Variants in PTRH1 observed in about 807,000 individuals in gnomAD.
PTRH1 encodes peptidyl-tRNA hydrolase.
Under a neutral mutation model 15.7 loss-of-function variants are expected in PTRH1, and 13 were observed. The observed-to-expected ratio is 0.83, with a 90% CI of 0.54 to 1.31. The LOEUF is 1.31. Among genes scored for constraint, PTRH1 ranks in the 40% most tolerant of loss-of-function variants. The probability of loss-of-function intolerance (pLI) is 0.00; values close to 1 mark genes in which losing one functional copy is unlikely to be tolerated. For synonymous variants in PTRH1, 139 were observed against 136.7 expected (o/e 1.02, Z -0.12); for missense variants, 319 against 296.2 (o/e 1.08, Z -0.56).
chr9:127,697,755 C>A (rs1842573118), intron 1 of PTRH1, among the ~76,000 whole-genome samples: 1 of 152,228 alleles, frequency 6.6e-6, no homozygotes, highest in Non-Finnish European at 1.5e-5. Flanking sequence ...AGGACACTGT[C>A]AACACATGCG....
In PTRH1 at chr9:127,714,619, G is replaced by T; in HGVS notation, c.400C>A (p.Leu134Met). 1 of 1,613,882 alleles carries T rather than the reference G, an allele frequency of 6.2e-7. No homozygotes were observed. The highest frequency in any genetic ancestry group is 1.3e-5 in the African/African-American group (1 of 75,018). ...DKPLGRLALKLGGSARGHNGV... is the reference protein window; with the variant it reads ...DKPLGRLALKMGGSARGHNGV... Reference sequence around the variant, plus strand: ...GGACCTCACCTGGCACTGCCCCCCAGCTTCAGAGCCAGTCTCCCCAGGGGC... The same window carrying T: ...GGACCTCACCTGGCACTGCCCCCCATCTTCAGAGCCAGTCTCCCCAGGGGC... The change falls in exon 3 of 5, where the codon CTG becomes ATG. Residue 134 changes from leucine (L) to methionine (M), a missense_variant. Coordinates refer to ENST00000543175, the MANE Select transcript of PTRH1 (RefSeq NM_001002913.3).
rs1190776634 is a variant in PTRH1, at chr9:127,705,727, A to T, written c.205+9708T>A. Among the ~76,000 whole-genome samples, 1 of 152,236 alleles carries T rather than the reference A, an allele frequency of 6.6e-6. No homozygotes were observed. The highest frequency in any genetic ancestry group is 1.9e-4 in the East Asian group (1 of 5,196). ...TCAGGCGGGGGAGGGGGCAATGTCCAGCAGGAGCAGGGCCATCGCATTGAG... is the reference window on the plus strand; with the variant it reads ...TCAGGCGGGGGAGGGGGCAATGTCCTGCAGGAGCAGGGCCATCGCATTGAG... On this transcript the variant is annotated intron_variant, in intron 1 of 2. Coordinates refer to the PTRH1 transcript ENST00000335223. This position sits in a 1 kb window ranked among gnomAD's most constrained non-coding sequence, Gnocchi z 4.7.
intron 1 of PTRH1, chr9:127,695,311 G>A: frequency 1.7e-6 from 1 of 583,818 alleles, no homozygotes; most frequent in South Asian, 2.3e-5. Flanking sequence ...TTAACAATGA[G>A]TGAAAAGAGC....
chr9:127,703,467 G>C (rs988452423), intron 1 of PTRH1, among the ~76,000 whole-genome samples: 1 of 152,010 alleles, frequency 6.6e-6, no homozygotes, highest in African/African-American at 2.4e-5. Flanking sequence ...GAAAGAGAAA[G>C]AGAAAGAGAG....
intron 1 of PTRH1, among the ~76,000 whole-genome samples, chr9:127,706,026 CCACT>C (rs924274696): frequency 7.2e-5 from 11 of 152,340 alleles, no homozygotes; most frequent in Admixed American, 5.2e-4. Flanking sequence ...TCATGGGCCA[CCACT>C]CACTAAGTGC....
chr9:127,710,878 C>A, downstream of PTRH1: 2 of 1,073,136 alleles, frequency 1.9e-6, no homozygotes, highest in East Asian at 5.2e-5. Context: ...GCCGCCCCGA[C>A]AACCTGCTAC....
At chr9:127,699,389 G>C (rs886547722) in intron 1 of PTRH1, among the ~76,000 whole-genome samples, 3 of 152,240 alleles carry the variant, frequency 2.0e-5, no homozygotes, top group Non-Finnish European at 2.9e-5. Context: ...CGGTCACGCG[G>C]CGGATCAGAC....
chr9:127,699,426 G>A (rs911777329), intron 1 of PTRH1, among the ~76,000 whole-genome samples: 5 of 152,340 alleles, frequency 3.3e-5, no homozygotes, highest in Admixed American at 2.0e-4. Flanking sequence ...GCTTGGGGAG[G>A]CCGGGCTTCC....
chr9:127,709,436 G>C, downstream of PTRH1: 1 of 1,613,478 alleles, frequency 6.2e-7, no homozygotes, highest in Non-Finnish European at 8.5e-7. This position sits in a 1 kb window ranked among gnomAD's most constrained non-coding sequence, Gnocchi z 4.7. Context: ...CAGCGGAAGT[G>C]GGATGAGCTG....
At chr9:127,702,157 A>T (rs1272698399) in intron 1 of PTRH1, among the ~76,000 whole-genome samples, 1 of 152,108 alleles carries the variant, frequency 6.6e-6, no homozygotes, top group Non-Finnish European at 1.5e-5. Flanking sequence ...GCGGATCACG[A>T]GGTCAGGAGA....
At chr9:127,697,915 G>A (rs979551128) in intron 1 of PTRH1, among the ~76,000 whole-genome samples, 2 of 152,110 alleles carry the variant, frequency 1.3e-5, no homozygotes, top group Non-Finnish European at 2.9e-5. Context: ...CAAAAGCACA[G>A]ACAAAACAAG....
Position 127,714,071 on chromosome 9 carries a change from A to T in PTRH1, c.*29T>A. Reference sequence around the variant, plus strand: ...CAGTGGCTGGGTTGGTGGGCACTACAGTCAGGCAGGCAGCCATGGCCACTA... The same window carrying T: ...CAGTGGCTGGGTTGGTGGGCACTACTGTCAGGCAGGCAGCCATGGCCACTA... On this transcript the variant is annotated 3_prime_UTR_variant, in exon 5 of 5. Coordinates refer to ENST00000543175, the MANE Select transcript of PTRH1 (RefSeq NM_001002913.3). The T allele has an allele frequency of 6.2e-7, 1 of 1,606,330 alleles. No individual in the cohort carries two copies. Among genetic ancestry groups the T allele is most frequent in the Non-Finnish European group, 8.5e-7 (1 of 1,176,468 alleles).
chr9:127,697,429 G>C (rs577972578), intron 1 of PTRH1, among the ~76,000 whole-genome samples: 15 of 152,312 alleles, frequency 9.8e-5, no homozygotes, highest in African/African-American at 3.4e-4. Flanking sequence ...GGAGGCCGAG[G>C]TGGGCGGATC....
downstream of PTRH1, chr9:127,710,495 G>T: frequency 1.5e-6 from 2 of 1,368,420 alleles, no homozygotes. Context: ...AGACCACACA[G>T]GGCGCACAGG....
At chr9:127,695,080 ATGATGATGATGATGG>A (rs1404674506) in exon 2 of PTRH1, 8 of 700,934 alleles carry the variant, frequency 1.1e-5, no homozygotes, top group East Asian at 2.7e-5. Flanking sequence ...GATGATGATG[ATGATGATGATGATGG>A]TGATGATGAT....
In PTRH1 at chr9:127,715,088, C is replaced by T. The variant is rs755421693; in HGVS notation, c.203G>A (p.Arg68His). The change falls in exon 2 of 5, where the codon CGC (arginine) becomes CAC (histidine). Residue 68 changes from arginine to histidine, a missense_variant. Arg to His is a conservative substitution (Grantham distance 29). Coordinates refer to ENST00000543175, the MANE Select transcript of PTRH1 (RefSeq NM_001002913.3). This position sits in a 1 kb window ranked among gnomAD's most constrained non-coding sequence, Gnocchi z 5.8. The stretch of plus-strand genomic sequence containing the variant: ...GAGGTCGGCGGCACAGTGCCGGTCG[C>T]GCGTCCAACTCTCCGCCACACCCAG... ...RRLGVAESWTRDRHCAADLAL... is the reference protein window; with the variant it reads ...RRLGVAESWTHDRHCAADLAL... The T allele has an allele frequency of 6.5e-7, 1 of 1,532,352 alleles. No homozygotes were observed. 94.9% of individuals were successfully genotyped at this position (1,532,352 alleles called of 1,614,324 possible). A position where few individuals can be genotyped will look rare whatever the true frequency, so the allele number is the denominator to read the frequency against.
Position 127,694,428 on chromosome 9 carries a change from G to A in PTRH1, c.420+499C>T, listed in dbSNP as rs1343410600. ...TTCTAGTATCTCCCTGGTTGTTTCTGAAGTCTTCTGTCCCAGCTTCCTGTC... is the reference window on the plus strand; with the variant it reads ...TTCTAGTATCTCCCTGGTTGTTTCTAAAGTCTTCTGTCCCAGCTTCCTGTC... On this transcript the variant is annotated intron_variant, in intron 2 of 2. Coordinates refer to the PTRH1 transcript ENST00000335223. 2.0e-5 allele frequency among the ~76,000 whole-genome samples: 3 copies of A among 152,212 alleles called. No individual in the cohort carries two copies. The East Asian group carries it at 5.8e-4, about 30-fold the overall frequency.
chr9:127,707,363 T>C (rs1564364327), intron 1 of PTRH1, among the ~76,000 whole-genome samples: 1 of 151,098 alleles, frequency 6.6e-6, no homozygotes, highest in Non-Finnish European at 1.5e-5. Context: ...CTTTGGGAGG[T>C]TTCAAGATTT....
chr9:127,710,607 A>T (rs200486914), downstream of PTRH1: 1 of 1,582,430 alleles, frequency 6.3e-7, no homozygotes, highest in Non-Finnish European at 8.6e-7. Flanking sequence ...CCAGGGGGGA[A>T]GCTGGCAGCC....
Sources: gnomAD v4.1 joint callset for allele counts (sites outside exome capture counted in the v4.1 genomes callset) on GRCh38, gnomAD v4.1.1 for gene constraint, Gnocchi (gnomAD v3.1) non-coding constraint, MANE v1.5 for transcripts, NCBI Gene and HGNC (gene_info 2026-07-23, HGNC 2026-07-21) for gene names.